Variants in LPIN1 observed in about 807,000 individuals in gnomAD.
LPIN1 encodes the protein phosphatidate phosphatase LPIN1.
LPIN1 carries 71 observed loss-of-function variants against 107.5 expected under a neutral mutation model. The ratio of observed to expected loss-of-function variants is 0.66; its 90% CI spans 0.55 to 0.80. The LOEUF (loss-of-function observed/expected upper bound fraction) is 0.80, where lower values mean the gene tolerates loss of function less well. Among genes scored for constraint, LPIN1 ranks in the 30% least tolerant of loss-of-function variants. LPIN1 has a pLI of 0.00. For synonymous variants in LPIN1, 445 were observed against 452.6 expected (o/e 0.98, Z 0.21); for missense variants, 1,043 against 1,160.6 (o/e 0.90, Z 1.47).
intron 14 of LPIN1, among the ~76,000 whole-genome samples, chr2:11,802,025 G>A (rs906058070): frequency 3.3e-5 from 5 of 152,126 alleles, no homozygotes; most frequent in African/African-American, 1.2e-4. Flanking sequence ...TTGTAGGAAG[G>A]CAAAGTACCG....
chr2:11,679,056 G>A (rs1377268666), intron 1 of LPIN1, among the ~76,000 whole-genome samples: 2 of 152,346 alleles, frequency 1.3e-5, no homozygotes, highest in East Asian at 3.9e-4. Context: ...CTTCCCAGTG[G>A]ACAGGTGGGG....
intron 1 of LPIN1, among the ~76,000 whole-genome samples, chr2:11,687,580 G>A (rs1662072780): frequency 1.3e-5 from 2 of 152,232 alleles, no homozygotes; most frequent in Admixed American, 1.3e-4. Context: ...CATTTAGTAG[G>A]AGAGAAATAC....
chr2:11,702,122 C>G (rs1226610379), intron 1 of LPIN1, among the ~76,000 whole-genome samples: 2 of 152,150 alleles, frequency 1.3e-5, no homozygotes, highest in East Asian at 1.9e-4. Context: ...TCCCTAAAGA[C>G]AGGAGGCACG....
chr2:11,798,289 G>A (rs1677079521), intron 14 of LPIN1, among the ~76,000 whole-genome samples: 2 of 152,188 alleles, frequency 1.3e-5, no homozygotes, highest in South Asian at 2.1e-4. Context: ...GGGAAGATGG[G>A]CCTGAGGGTC....
In LPIN1 at chr2:11,697,610, C is replaced by A. The variant is rs985614128; in HGVS notation, c.82-16146C>A. Among the ~76,000 whole-genome samples the A allele has an allele frequency of 7.9e-5, 12 of 152,210 alleles. No homozygotes were observed. The highest frequency in any genetic ancestry group is 2.9e-4 in the African/African-American group (12 of 41,454). ...TTCCCTTGCCTGCCACTGGTAGTGA[C>A]CTGGCCTGGGGACAGGGAAAGGACG... On this transcript the variant is annotated intron_variant, in intron 1 of 21. Coordinates refer to the LPIN1 transcript ENST00000449576. This position sits in a 1 kb window ranked among gnomAD's most constrained non-coding sequence, Gnocchi z 4.6.
chr2:11,813,879 G>A (rs1032317962), intron 17 of LPIN1, among the ~76,000 whole-genome samples: 1 of 151,872 alleles, frequency 6.6e-6, no homozygotes, highest in East Asian at 1.9e-4. Context: ...ACGCCACTGC[G>A]CTCCATCCTG....
Position 11,779,618 on chromosome 2 carries a change from G to T in LPIN1, c.930G>T (p.Leu310=). Reference sequence around the variant, plus strand: ...AGAAGAACCCAGAAATGCTTTGGCTGTGGGGAGAGCTGCCGCAGGCTGCTA... The same window carrying T: ...AGAAGAACCCAGAAATGCTTTGGCTTTGGGGAGAGCTGCCGCAGGCTGCTA... ...TGQKNPEMLW[L]WGELPQAAKS... Residue 310 remains leucine (L), a synonymous_variant, in exon 7 of 21, where the codon CTG becomes CTT. Transcript: ENST00000674199. 6.2e-7 allele frequency: 1 copy of T among 1,614,174 alleles called. No homozygotes were observed. Among genetic ancestry groups the T allele is most frequent in the Non-Finnish European group, 8.5e-7 (1 of 1,180,024 alleles).
At chr2:11,726,425 G>C (rs1161908126) in intron 1 of LPIN1, among the ~76,000 whole-genome samples, 1 of 152,050 alleles carries the variant, frequency 6.6e-6, no homozygotes, top group Admixed American at 6.6e-5. Context: ...CATTACCTAA[G>C]GTTTGCTAAA....
intron 10 of LPIN1, among the ~76,000 whole-genome samples, chr2:11,785,818 G>A (rs756834764): frequency 6.6e-6 from 1 of 152,154 alleles, no homozygotes; most frequent in Non-Finnish European, 1.5e-5. Flanking sequence ...TCCCTTCAAG[G>A]CTTTGGGAAT....
chr2:11,772,480 GA>G (rs1208388289), intron 4 of LPIN1, among the ~76,000 whole-genome samples: 1 of 152,166 alleles, frequency 6.6e-6, no homozygotes, highest in Non-Finnish European at 1.5e-5. Context: ...CATTTTCTTG[GA>G]ACCTATTTAT....
At chr2:11,801,077 T>C (rs934965079) in intron 14 of LPIN1, among the ~76,000 whole-genome samples, 2 of 152,192 alleles carry the variant, frequency 1.3e-5, no homozygotes, top group Non-Finnish European at 2.9e-5. Context: ...CCAGTTAGCA[T>C]GGCTATTATC....
intron 1 of LPIN1, among the ~76,000 whole-genome samples, chr2:11,685,741 T>C (rs1661969194): frequency 1.3e-5 from 2 of 152,222 alleles, no homozygotes; most frequent in African/African-American, 4.8e-5. Flanking sequence ...TGATTTCCCA[T>C]CGAGGAATGT....
chr2:11,779,958 G>A (rs563245897), intron 7 of LPIN1, among the ~76,000 whole-genome samples: 20 of 151,332 alleles, frequency 1.3e-4, no homozygotes, highest in Admixed American at 1.1e-3. Context: ...TTGGCTCACT[G>A]CAACCTCTGC....
chr2:11,689,801 A>G (rs2148506292), intron 1 of LPIN1, among the ~76,000 whole-genome samples: 1 of 151,636 alleles, frequency 6.6e-6, no homozygotes, highest in African/African-American at 2.4e-5. Flanking sequence ...GCTACTTGGG[A>G]GGCTGAGGAG....
intron 1 of LPIN1, among the ~76,000 whole-genome samples, chr2:11,725,067 C>T (rs7580970): frequency 0.19 from 29,163 of 152,014 alleles, 6,042 homozygotes; most frequent in African/African-American, 0.52. Flanking sequence ...CGAGACCATC[C>T]CGGCTAAAAC....
intron 1 of LPIN1, among the ~76,000 whole-genome samples, chr2:11,749,135 G>GA (rs1667410088): frequency 6.6e-6 from 1 of 152,132 alleles, no homozygotes; most frequent in African/African-American, 2.4e-5. Flanking sequence ...GGTGTGTGGG[G>GA]AAAAAAGAGT....
upstream of LPIN1, chr2:11,722,323 A>T (rs573291225): frequency 6.6e-6 from 1 of 152,356 alleles, no homozygotes; most frequent in East Asian, 1.9e-4. Flanking sequence ...AGGCCTCCAC[A>T]TCTCCATCTC....
chr2:11,795,634 C>G (rs1676572144), intron 14 of LPIN1, 147 bp downstream of exon 14: 1 of 784,106 alleles, frequency 1.3e-6, no homozygotes, highest in Non-Finnish European at 2.2e-6. Flanking sequence ...ATTTATTTAA[C>G]TTGGTTCTCC....
In LPIN1 at chr2:11,750,794, A is replaced by G. The variant is rs543655481; in HGVS notation, c.-10+4123A>G. On this transcript the variant is annotated intron_variant, in intron 1 of 20. Coordinates refer to ENST00000674199, the MANE Select transcript of LPIN1 (RefSeq NM_001349206.2). ...CCTGCGCTCTTACCTGCTGAGCTATATTGTCTCCTAATAGTGCCCTGGAAC... is the reference window on the plus strand; with the variant it reads ...CCTGCGCTCTTACCTGCTGAGCTATGTTGTCTCCTAATAGTGCCCTGGAAC... Among the ~76,000 whole-genome samples the G allele has an allele frequency of 7.5e-4, 84 of 111,366 alleles. 2 individuals carry two copies. The South Asian group carries it at 0.019, about 25-fold the overall frequency. 73.1% of individuals were successfully genotyped at this position (111,366 alleles called of 152,430 possible).
Sources: allele counts gnomAD v4.1 joint callset (sites outside exome capture counted in the v4.1 genomes callset), GRCh38; gene constraint gnomAD v4.1.1; non-coding constraint Gnocchi (gnomAD v3.1); transcripts MANE v1.5; gene names NCBI Gene and HGNC (gene_info 2026-07-23, HGNC 2026-07-21).